Variants in MOCS1 observed in about 807,000 individuals in gnomAD.
The protein encoded by MOCS1 is molybdenum cofactor synthesis 1.
A neutral mutation model predicts 57.6 loss-of-function variants in MOCS1; 39 were observed. The ratio of observed to expected loss-of-function variants is 0.68; its 90% CI spans 0.52 to 0.88. The LOEUF is 0.88. MOCS1 is among the 40% of genes least tolerant of loss of function. The pLI, the probability that MOCS1 is intolerant of heterozygous loss-of-function variation, is 0.00. For synonymous variants in MOCS1, 334 were observed against 335.7 expected, an observed-to-expected ratio of 1.00 and a Z score of 0.05; for missense variants, 795 against 831.1, an observed-to-expected ratio of 0.96 and a Z score of 0.53.
intron 3 of MOCS1, among the ~76,000 whole-genome samples, chr6:39,922,704 C>T (rs573928414): frequency 6.6e-6 from 1 of 152,314 alleles, no homozygotes; most frequent in South Asian, 2.1e-4. Context: ...GGCCCAAACC[C>T]TTCCCGTGGG....
rs945450283 is a variant in MOCS1 at position 39,905,278 on chromosome 6, C to T, written c.*1079G>A. ...TGCAAGCAATGAGCTTTGAACACCC[C>T]TGGCCACCACCTGACAAAAGATTTC... On this transcript the variant is annotated 3_prime_UTR_variant, in exon 11 of 11. Transcript: ENST00000340692. 10 of 454,570 alleles carry T rather than the reference C, an allele frequency of 2.2e-5. No individual in the cohort carries two copies. Among genetic ancestry groups the T allele is most frequent in the African/African-American group, 1.2e-4 (6 of 50,024 alleles). 28.2% of individuals were successfully genotyped at this position (454,570 alleles called of 1,614,324 possible). A position where few individuals can be genotyped will look rare whatever the true frequency, so the allele number is the denominator to read the frequency against.
Position 39,906,651 on chromosome 6 carries a change from A to G in MOCS1, c.1617T>C (p.Ala539=), listed in dbSNP as rs754362001. ...KGDALVVAQL[A]GVQAAKVTSQ... ...TGGTCACCTTGGCTGCCTGGACTCC[A>G]GCCAGCTGGGCCACCACTAGGGCAT... The change falls in exon 11 of 11, where the codon GCT becomes GCC. Residue 539 remains alanine, a synonymous_variant. Coordinates refer to ENST00000340692, the MANE Select transcript of MOCS1 (RefSeq NM_001358530.2). 33 of 1,613,782 alleles carry G rather than the reference A, an allele frequency of 2.0e-5. No homozygotes were observed. The South Asian group carries it at 2.5e-4, about 12-fold the overall frequency.
rs2149419575 is a variant in MOCS1, at chr6:39,925,818, A to T, written c.278T>A (p.Val93Asp). 3 of 1,612,074 alleles carry T rather than the reference A, an allele frequency of 1.9e-6. No individual in the cohort carries two copies. The highest frequency in any genetic ancestry group is 2.5e-6 in the Non-Finnish European group (3 of 1,179,718). Reference sequence around the variant, plus strand: ...CAGGTTGGCTTTGGGGGTCAGCGGGACCCCCTCCTCGGGCATGCAGTACTG... The same window carrying T: ...CAGGTTGGCTTTGGGGGTCAGCGGGTCCCCCTCCTCGGGCATGCAGTACTG... ...RCQYCMPEEG[V>D]PLTPKANLLT... The change falls in exon 3 of 11, where the codon GTC becomes GAC. Residue 93 changes from valine (V) to aspartate (D), a missense_variant. Val to Asp is a radical substitution (Grantham distance 152, BLOSUM62 -3). Transcript: ENST00000340692.
intron 8 of MOCS1, among the ~76,000 whole-genome samples, chr6:39,911,412 T>C (rs1483560194): frequency 6.6e-6 from 1 of 152,198 alleles, no homozygotes; most frequent in Non-Finnish European, 1.5e-5. Flanking sequence ...TGAGTCTTCC[T>C]TCCCTTCAAT....
intron 8 of MOCS1, 93 bp downstream of exon 8, chr6:39,912,171 T>C: frequency 9.9e-7 from 1 of 1,013,288 alleles, no homozygotes; most frequent in South Asian, 1.3e-5. Context: ...CACCGTGCCC[T>C]GCCAGCCTCC....
Position 39,906,245 on chromosome 6 carries a change from G to T in MOCS1, c.*112C>A. On this transcript the variant is annotated 3_prime_UTR_variant, in exon 11 of 11. Coordinates refer to ENST00000340692, the MANE Select transcript of MOCS1 (RefSeq NM_001358530.2). ...AGAGCAGGCTGACTTCGGGTTTACT[G>T]CTCAAGGTAAACAAACAGTGACTGT... The T allele has an allele frequency of 1.4e-6, 2 of 1,388,202 alleles. No homozygotes were observed. Among genetic ancestry groups the T allele is most frequent in the Non-Finnish European group, 2.0e-6 (2 of 982,186 alleles). 86.0% of individuals were successfully genotyped at this position (1,388,202 alleles called of 1,614,324 possible). A position where few individuals can be genotyped will look rare whatever the true frequency, so the allele number is the denominator to read the frequency against.
chr6:39,927,324 C>G lies in MOCS1; in HGVS notation c.250+5G>C. ...GCCCAGAGAGGGCCCAGGAAGGTGACTCACATCTGAGGTTGCACTTCTCTG... is the reference window on the plus strand; with the variant it reads ...GCCCAGAGAGGGCCCAGGAAGGTGAGTCACATCTGAGGTTGCACTTCTCTG... On this transcript the variant is annotated splice_donor_5th_base_variant and intron_variant, in intron 2 of 10. Coordinates refer to ENST00000340692, the MANE Select transcript of MOCS1 (RefSeq NM_001358530.2). 1 of 1,609,942 alleles carries G rather than the reference C, an allele frequency of 6.2e-7. No homozygotes were observed.
At position 39,906,451 on chromosome 6, in the gene MOCS1, T is replaced by G; in HGVS notation, c.1817A>C (p.Asp606Ala). The G allele has an allele frequency of 1.2e-6, 2 of 1,612,072 alleles. No homozygotes were observed. The highest frequency in any genetic ancestry group is 1.7e-6 in the Non-Finnish European group (2 of 1,178,344). ...SAAVAALTLY[D>A]MCKAVSRDIV... ...GTCCCTGCTGACAGCCTTGCACATG[T>G]CATACAGGGTGAGGGCGGCCACTGC... The change falls in exon 11 of 11, where the codon GAC becomes GCC. Residue 606 changes from aspartate to alanine, a missense_variant. By Grantham distance (126) the Asp-to-Ala change is moderately radical. Around this residue, in one of 3 missense-constraint regions of MOCS1, gnomAD observed 374 missense variants for 422.6 expected, o/e 0.89. Coordinates refer to ENST00000340692, the MANE Select transcript of MOCS1 (RefSeq NM_001358530.2).
intron 3 of MOCS1, among the ~76,000 whole-genome samples, chr6:39,920,965 G>A (rs1767931555): frequency 6.8e-6 from 1 of 146,146 alleles, no homozygotes. Flanking sequence ...AACAGAGCTA[G>A]ATCCGGTCTC....
intron 4 of MOCS1, among the ~76,000 whole-genome samples, chr6:39,915,574 G>C (rs1030244696): frequency 6.6e-6 from 1 of 152,140 alleles, no homozygotes; most frequent in African/African-American, 2.4e-5. Flanking sequence ...TGGAGGGTAT[G>C]GCTGTGCCTG....
At chr6:39,927,907 T>G (rs1275074514) in intron 1 of MOCS1, among the ~76,000 whole-genome samples, 2 of 152,060 alleles carry the variant, frequency 1.3e-5, no homozygotes, top group Non-Finnish European at 2.9e-5. Context: ...CTCTTTCCCA[T>G]GTACAAGTCT....
At chr6:39,924,753 ATTATT>A (rs1468450623) in intron 3 of MOCS1, among the ~76,000 whole-genome samples, 1 of 152,188 alleles carries the variant, frequency 6.6e-6, no homozygotes, top group Non-Finnish European at 1.5e-5. Flanking sequence ...AGAAAATGTT[ATTATT>A]TTATTTTTTT....
intron 1 of MOCS1, among the ~76,000 whole-genome samples, chr6:39,928,230 T>C (rs1768449785): frequency 1.3e-5 from 2 of 151,294 alleles, no homozygotes; most frequent in African/African-American, 4.9e-5. Context: ...AGTAGCGCGA[T>C]CTTGGCTCAC....
intron 1 of MOCS1, chr6:39,927,738 G>C (rs767385136): frequency 9.0e-5 from 137 of 1,517,894 alleles, no homozygotes; most frequent in Non-Finnish European, 1.2e-4. Flanking sequence ...GTGGAGGCAA[G>C]GGTGTGGGGA....
chr6:39,921,267 C>T (rs530672620), intron 3 of MOCS1, among the ~76,000 whole-genome samples: 3 of 150,910 alleles, frequency 2.0e-5, no homozygotes, highest in Admixed American at 6.6e-5. Flanking sequence ...GGCATGGTGG[C>T]GGGTGCCTGT....
At chr6:39,933,939 AAT>A (rs1362638259) in intron 1 of MOCS1, among the ~76,000 whole-genome samples, 1 of 152,008 alleles carries the variant, frequency 6.6e-6, no homozygotes, top group Non-Finnish European at 1.5e-5. Flanking sequence ...AGGGAGGGAA[AAT>A]GTTTAAGAAA....
In MOCS1 at chr6:39,906,361, G is replaced by A; in HGVS notation, c.1907C>T (p.Ala636Val). The A allele has an allele frequency of 6.3e-6, 10 of 1,596,596 alleles. No individual in the cohort carries two copies. Among genetic ancestry groups the A allele is most frequent in the Non-Finnish European group, 8.6e-6 (10 of 1,168,512 alleles). ...CATGGGTGAGAAGGGCAGGTGCTAA[G>A]CCCGATGGAAGTCCCCCCGCTGACC... Reference protein sequence around the residue: ...TGGQRGDFHRA With the variant: ...TGGQRGDFHRV The change falls in exon 11 of 11, where the codon GCT (alanine) becomes GTT (valine). Residue 636 changes from alanine (A) to valine (V), a missense_variant. Coordinates refer to ENST00000340692, the MANE Select transcript of MOCS1 (RefSeq NM_001358530.2).
Position 39,925,731 on chromosome 6 carries a change from A to ACAAGGAAG in MOCS1, c.364_365insCTTCCTTG (p.Ile122ThrfsTer30). 1.2e-6 allele frequency: 2 copies of ACAAGGAAG among 1,612,804 alleles called. No homozygotes were observed. The highest frequency in any genetic ancestry group is 1.7e-6 in the Non-Finnish European group (2 of 1,179,974). ...AAGCGGCTCTCCACCTGTGAGCCGG[A>ACAAGGAAG]TCTTGTCGATGCCTTCCTTCACAAA... On this transcript the variant is annotated frameshift_variant, in exon 3 of 11. Coordinates refer to ENST00000340692, the MANE Select transcript of MOCS1 (RefSeq NM_001358530.2). LOFTEE classifies it high-confidence loss of function.
In MOCS1 at chr6:39,923,284, C is replaced by T. The variant is rs527345578; in HGVS notation, c.418+2394G>A. Among the ~76,000 whole-genome samples, 5 of 152,368 alleles carry T rather than the reference C, an allele frequency of 3.3e-5. No homozygotes were observed. In the East Asian group the frequency reaches 9.6e-4, roughly 29 times the overall value. ...ACAGCAGAAAACATCCTTAAAGTGG[C>T]TCATCCACAGCTGAGGAAACTGAGG... On this transcript the variant is annotated intron_variant, in intron 3 of 10. Transcript: ENST00000340692.
Sources: gnomAD v4.1 joint callset for allele counts (sites outside exome capture counted in the v4.1 genomes callset) on GRCh38, gnomAD v4.1.1 for gene constraint, gnomAD v4.1.1 regional missense constraint, MANE v1.5 for transcripts, NCBI Gene and HGNC (gene_info 2026-07-23, HGNC 2026-07-21) for gene names.